The following CSMD1 variants were observed in gnomAD, a reference collection of about 807,000 sequenced individuals.
The protein encoded by CSMD1 is CUB and Sushi multiple domains 1.
In CSMD1, 213 loss-of-function variants were observed where a neutral mutation model predicts 417.5. The observed-to-expected ratio is 0.51, with a 90% confidence interval of 0.46 to 0.57. The LOEUF (loss-of-function observed/expected upper bound fraction) is 0.57. CSMD1 is among the 20% of genes least tolerant of loss of function. The pLI is 0.00. For missense variants in CSMD1, 6,923 were observed against 4,529.7 expected, an observed-to-expected ratio of 1.53 and a Z score of -15.17; for synonymous variants, 2,862 against 1,736.8, an observed-to-expected ratio of 1.65 and a Z score of -16.11.
At chr8:3,967,684 T>C (rs1239419017) in intron 5 of CSMD1, among the ~76,000 whole-genome samples, 2 of 151,964 alleles carry the variant, frequency 1.3e-5, no homozygotes, top group African/African-American at 4.8e-5. Context: ...CGTGCTGGGG[T>C]GAGCTTCAAA....
rs572163284 is a variant in CSMD1 at position 4,014,225 on chromosome 8, AG to A, written c.611-16116del. Among the ~76,000 whole-genome samples, 24 of 152,318 alleles carry A rather than the reference AG, an allele frequency of 1.6e-4. No homozygotes were observed. The South Asian group carries it at 4.3e-3, about 28-fold the overall frequency. On this transcript the variant is annotated intron_variant, in intron 4 of 69. Coordinates refer to ENST00000635120, the MANE Select transcript of CSMD1 (RefSeq NM_033225.6). ...ACAACATTCCTAGAAATCTTTCCTT[AG>A]GAAAAAAATCTAACAGAAGCAACAA...
chr8:4,133,150 C>A (rs185876894), intron 3 of CSMD1, among the ~76,000 whole-genome samples: 1 of 152,062 alleles, frequency 6.6e-6, no homozygotes, highest in Non-Finnish European at 1.5e-5. Context: ...ATTGGCCAGG[C>A]TGGTCTCAAA....
chr8:3,654,802 C>G (rs1335423522), intron 7 of CSMD1, among the ~76,000 whole-genome samples: 1 of 152,158 alleles, frequency 6.6e-6, no homozygotes, highest in Non-Finnish European at 1.5e-5. Flanking sequence ...CCAGCTGCCT[C>G]AGGGCTACCA....
At chr8:3,168,331 T>C (rs1820361498) in intron 37 of CSMD1, among the ~76,000 whole-genome samples, 1 of 152,228 alleles carries the variant, frequency 6.6e-6, no homozygotes, top group Non-Finnish European at 1.5e-5. Flanking sequence ...AATTATTCTC[T>C]GGCACACGAC....
At position 4,894,583 on chromosome 8, in the gene CSMD1, T is replaced by A. The variant is rs1003332327; in HGVS notation, c.85+99749A>T. On this transcript the variant is annotated intron_variant, in intron 1 of 69. Coordinates refer to ENST00000635120, the MANE Select transcript of CSMD1 (RefSeq NM_033225.6). ...AGAAAAAAAAAAAAAAAAGCTACAT[T>A]GGCAATATTGTGAATGAAATAATAT... 4.6e-5 allele frequency among the ~76,000 whole-genome samples: 7 copies of A among 151,648 alleles called. No homozygotes were observed. The South Asian group carries it at 1.5e-3, about 31-fold the overall frequency.
intron 3 of CSMD1, among the ~76,000 whole-genome samples, chr8:4,081,218 T>C (rs984445825): frequency 5.3e-5 from 8 of 152,328 alleles, no homozygotes; most frequent in African/African-American, 1.9e-4. Context: ...CGTTTTGTTA[T>C]GCAGCAGGAA....
chr8:4,069,389 G>A (rs988624760), intron 3 of CSMD1, among the ~76,000 whole-genome samples: 2 of 152,244 alleles, frequency 1.3e-5, no homozygotes, highest in Admixed American at 6.5e-5. Context: ...GCTTTCGTCT[G>A]TTTTCTGAGT....
chr8:4,994,591 C>G lies in CSMD1; in HGVS notation c.-175G>C. On this transcript the variant is annotated 5_prime_UTR_variant, in exon 1 of 70. Coordinates refer to ENST00000635120, the MANE Select transcript of CSMD1 (RefSeq NM_033225.6). ...GTCTGGGCGCCCGGCTCGCTTCCCT[C>G]TCATAGCATCGGGTCCCGAGCCACT... 1.6e-6 allele frequency: 1 copy of G among 618,568 alleles called. No individual in the cohort carries two copies. The highest frequency in any genetic ancestry group is 2.9e-6 in the Non-Finnish European group (1 of 344,582). 38.3% of individuals were successfully genotyped at this position (618,568 alleles called of 1,614,324 possible).
At chr8:4,847,237 C>T (rs532606645) in intron 1 of CSMD1, among the ~76,000 whole-genome samples, 28 of 152,064 alleles carry the variant, frequency 1.8e-4, no homozygotes, top group African/African-American at 2.7e-4. Context: ...AGTAATAATG[C>T]GTTTGATGAT....
intron 1 of CSMD1, among the ~76,000 whole-genome samples, chr8:4,796,619 A>G (rs1563412836): frequency 6.6e-6 from 1 of 152,046 alleles, no homozygotes; most frequent in Non-Finnish European, 1.5e-5. Flanking sequence ...TGATTAGCAA[A>G]CACAGGTGGC....
intron 2 of CSMD1, among the ~76,000 whole-genome samples, chr8:4,576,581 G>C (rs770510173): frequency 3.3e-5 from 5 of 152,168 alleles, no homozygotes; most frequent in Admixed American, 2.6e-4. Context: ...GTGTGGCGTT[G>C]GGTTATTGTC....
At chr8:2,992,549 G>C (rs745342760) in intron 54 of CSMD1, among the ~76,000 whole-genome samples, 1 of 151,696 alleles carries the variant, frequency 6.6e-6, no homozygotes, top group African/African-American at 2.4e-5. Flanking sequence ...TCAGCCTTCT[G>C]AGTAGCTGGG....
intron 5 of CSMD1, among the ~76,000 whole-genome samples, chr8:3,893,068 T>C (rs1807093565): frequency 6.6e-6 from 1 of 151,878 alleles, no homozygotes; most frequent in Non-Finnish European, 1.5e-5. Flanking sequence ...CCAAGTATGC[T>C]GGAGAAATGC....
chr8:3,424,866 G>A (rs1321138120), intron 12 of CSMD1, among the ~76,000 whole-genome samples: 1 of 152,100 alleles, frequency 6.6e-6, no homozygotes, highest in African/African-American at 2.4e-5. Context: ...TTGAGACAGG[G>A]TCTTACTCTG....
chr8:4,065,577 G>A (rs757469046), intron 3 of CSMD1, among the ~76,000 whole-genome samples: 1 of 151,822 alleles, frequency 6.6e-6, no homozygotes, highest in African/African-American at 2.4e-5. Flanking sequence ...ACTGCTAAAA[G>A]ATGTATTCTT....
rs149278230 is a variant in CSMD1, at chr8:4,180,735, G to C, written c.416-148636C>G. 5.5e-4 allele frequency among the ~76,000 whole-genome samples: 84 copies of C among 152,188 alleles called. 1 individual carries two copies. The East Asian group carries it at 0.015, about 27-fold the overall frequency. The stretch of plus-strand genomic sequence containing the variant: ...CTCACCTTAGAAAAATGGAAACATG[G>C]CACTAACTGTTAGAATTCCTTCTTA... On this transcript the variant is annotated intron_variant, in intron 3 of 69. Coordinates refer to ENST00000635120, the MANE Select transcript of CSMD1 (RefSeq NM_033225.6).
At chr8:3,554,098 G>C (rs925707791) in intron 10 of CSMD1, among the ~76,000 whole-genome samples, 1 of 152,210 alleles carries the variant, frequency 6.6e-6, no homozygotes, top group Non-Finnish European at 1.5e-5. Context: ...CGTTCTTCAT[G>C]ACTGTATTTA....
At chr8:4,724,129 G>A (rs905542465) in intron 1 of CSMD1, among the ~76,000 whole-genome samples, 1 of 152,082 alleles carries the variant, frequency 6.6e-6, no homozygotes, top group Non-Finnish European at 1.5e-5. Flanking sequence ...AAGACAACTA[G>A]ACCTCCTCTT....
intron 3 of CSMD1, among the ~76,000 whole-genome samples, chr8:4,066,544 T>C (rs1799259767): frequency 6.6e-6 from 1 of 152,210 alleles, no homozygotes; most frequent in South Asian, 2.1e-4. Context: ...ACCTGAAATT[T>C]TACCATTAAA....
Sources: gnomAD v4.1 joint callset for allele counts (sites outside exome capture counted in the v4.1 genomes callset) on GRCh38, gnomAD v4.1.1 for gene constraint, MANE v1.5 for transcripts, NCBI Gene and HGNC (gene_info 2026-07-23, HGNC 2026-07-21) for gene names.